Variants in PRKG1 observed in about 807,000 individuals in gnomAD.
PRKG1 encodes protein kinase cGMP-dependent 1.
Under a neutral mutation model 88.1 loss-of-function variants are expected in PRKG1, and 35 were observed. That is an observed-to-expected ratio of 0.40 (90% CI 0.30 to 0.53). PRKG1 has a LOEUF of 0.53. Ranked by LOEUF, PRKG1 falls within the 20% of genes least tolerant of loss-of-function variation. The pLI is 0.59. For synonymous variants in PRKG1, 303 were observed against 292.5 expected, an observed-to-expected ratio of 1.04 and a Z score of -0.37; for missense variants, 540 against 839.8, an observed-to-expected ratio of 0.64 and a Z score of 4.41.
At chr10:51,534,976 G>T (rs893457742) in intron 3 of PRKG1, among the ~76,000 whole-genome samples, 3 of 152,056 alleles carry the variant, frequency 2.0e-5, no homozygotes, top group African/African-American at 7.2e-5. Flanking sequence ...TAGTTATCTG[G>T]TTTTTGTCAA....
chr10:51,546,883 C>A lies in PRKG1; in HGVS notation c.592+79047C>A, dbSNP rs373096241. Among the ~76,000 whole-genome samples, 109 of 152,196 alleles carry A rather than the reference C, an allele frequency of 7.2e-4. No individual in the cohort carries two copies. The South Asian group carries it at 0.022, about 30-fold the overall frequency. On this transcript the variant is annotated intron_variant, in intron 3 of 17. Coordinates refer to ENST00000373980, the MANE Select transcript of PRKG1 (RefSeq NM_006258.4). ...ATGCCTCCACTTTATACTTTGCCTG[C>A]AAATTTTACTCATAGATGAAGACAA...
chr10:51,968,704 T>G (rs1208324600), intron 5 of PRKG1, among the ~76,000 whole-genome samples: 1 of 150,958 alleles, frequency 6.6e-6, no homozygotes, highest in African/African-American at 2.4e-5. Flanking sequence ...GTGCTTATAA[T>G]CCCAGCTACT....
At chr10:51,348,292 T>G (rs1290842921) in intron 2 of PRKG1, among the ~76,000 whole-genome samples, 1 of 152,150 alleles carries the variant, frequency 6.6e-6, no homozygotes, top group Non-Finnish European at 1.5e-5. Flanking sequence ...CTTTTCTCTG[T>G]TAATCAGAGA....
At chr10:51,163,398 TG>T (rs1377703501) in intron 2 of PRKG1, among the ~76,000 whole-genome samples, 1 of 152,174 alleles carries the variant, frequency 6.6e-6, no homozygotes, top group African/African-American at 2.4e-5. Flanking sequence ...TTCACAAATA[TG>T]GGAGGGCAGC....
At chr10:51,884,651 C>T (rs1485464694) in intron 4 of PRKG1, among the ~76,000 whole-genome samples, 3 of 152,070 alleles carry the variant, frequency 2.0e-5, no homozygotes, top group Non-Finnish European at 4.4e-5. Flanking sequence ...GCCATGCGTA[C>T]ACTGAAATGT....
chr10:51,204,609 CA>C (rs1205663230), intron 2 of PRKG1, among the ~76,000 whole-genome samples: 2 of 152,068 alleles, frequency 1.3e-5, no homozygotes, highest in Non-Finnish European at 2.9e-5. Context: ...TTCCGCAGGT[CA>C]AAAACCTGTG....
At chr10:51,883,440 A>G (rs917638529) in intron 4 of PRKG1, among the ~76,000 whole-genome samples, 2 of 152,258 alleles carry the variant, frequency 1.3e-5, no homozygotes, top group African/African-American at 4.8e-5. Context: ...ACCCTAGCTA[A>G]TACATAACAA....
chr10:51,632,494 C>T (rs1839552200), intron 3 of PRKG1, among the ~76,000 whole-genome samples: 4 of 152,168 alleles, frequency 2.6e-5, no homozygotes, highest in Admixed American at 2.0e-4. Context: ...GAGTGGGAAG[C>T]TCAGGAAGCA....
chr10:52,021,767 T>C (rs556872621), intron 5 of PRKG1, among the ~76,000 whole-genome samples: 18 of 152,266 alleles, frequency 1.2e-4, no homozygotes, highest in African/African-American at 4.3e-4. Flanking sequence ...ATAAAGAGAC[T>C]CTCCAGGTAA....
At chr10:52,005,109 T>G (rs1347819137) in intron 5 of PRKG1, among the ~76,000 whole-genome samples, 1 of 152,184 alleles carries the variant, frequency 6.6e-6, no homozygotes, top group African/African-American at 2.4e-5. Context: ...AGGGTTTGCT[T>G]AAGTTATTTT....
intron 5 of PRKG1, among the ~76,000 whole-genome samples, chr10:51,959,252 A>G (rs535223777): frequency 3.9e-5 from 6 of 152,182 alleles, no homozygotes; most frequent in Non-Finnish European, 8.8e-5. Context: ...GCAATCACAG[A>G]GTAATTAATC....
intron 5 of PRKG1, among the ~76,000 whole-genome samples, chr10:51,915,264 G>C (rs577085689): frequency 1.3e-5 from 2 of 152,168 alleles, no homozygotes; most frequent in Non-Finnish European, 2.9e-5. Context: ...GACTCTTCAG[G>C]AGAGACACTG....
At chr10:51,275,635 G>A (rs1003632496) in intron 2 of PRKG1, among the ~76,000 whole-genome samples, 4 of 152,020 alleles carry the variant, frequency 2.6e-5, no homozygotes, top group African/African-American at 7.2e-5. Context: ...TTCACTTAAC[G>A]AGCACATATC....
At chr10:52,238,274 T>A (rs1487472863) in intron 9 of PRKG1, among the ~76,000 whole-genome samples, 1 of 131,704 alleles carries the variant, frequency 7.6e-6, no homozygotes, top group African/African-American at 3.0e-5. Context: ...GGACTTCATG[T>A]CTAAAACACC....
intron 2 of PRKG1, among the ~76,000 whole-genome samples, chr10:51,218,901 T>A (rs1365284610): frequency 6.6e-6 from 1 of 151,916 alleles, no homozygotes; most frequent in Non-Finnish European, 1.5e-5. Context: ...GAAGATAGCA[T>A]AGCAGTCAGA....
intron 2 of PRKG1, among the ~76,000 whole-genome samples, chr10:51,466,883 T>C (rs1034904376): frequency 2.0e-5 from 3 of 152,058 alleles, no homozygotes; most frequent in African/African-American, 7.2e-5. Context: ...GATAAATAAC[T>C]TGGAGAAAAA....
intron 9 of PRKG1, 110 bp downstream of exon 9, chr10:52,162,073 A>G: frequency 4.5e-6 from 4 of 895,618 alleles, no homozygotes; most frequent in Non-Finnish European, 6.9e-6. Flanking sequence ...GAAACAACTA[A>G]TTAGTTGAGA....
intron 3 of PRKG1, among the ~76,000 whole-genome samples, chr10:51,663,499 G>A (rs1313590691): frequency 6.6e-6 from 1 of 151,556 alleles, no homozygotes; most frequent in Non-Finnish European, 1.5e-5. Context: ...CAGGTCAGTA[G>A]TTTAAGAGCC....
chr10:52,117,246 A>C (rs10762569), intron 7 of PRKG1, among the ~76,000 whole-genome samples: 61,590 of 149,346 alleles, frequency 0.41, 14,254 homozygotes, highest in Non-Finnish European at 0.51. Context: ...ATGCCACTCT[A>C]AGAGTTATGA....
Sources: allele counts gnomAD v4.1 joint callset (sites outside exome capture counted in the v4.1 genomes callset), GRCh38; gene constraint gnomAD v4.1.1; transcripts MANE v1.5; gene names NCBI Gene and HGNC (gene_info 2026-07-23, HGNC 2026-07-21).